Variants in POC5 observed in about 807,000 individuals in gnomAD.
POC5 encodes centrosomal protein POC5.
Under a neutral mutation model 62.9 loss-of-function variants are expected in POC5, and 48 were observed. The observed-to-expected ratio is 0.76, with a 90% CI of 0.61 to 0.97. The LOEUF (loss-of-function observed/expected upper bound fraction) is 0.97. Ranked by LOEUF, POC5 falls within the 50% of genes least tolerant of loss-of-function variation. The pLI, the probability that POC5 is intolerant of heterozygous loss-of-function variation, is 0.00. For missense variants in POC5, 696 were observed against 679.5 expected (o/e 1.02, Z -0.27); for synonymous variants, 236 against 228.2 (o/e 1.03, Z -0.31).
chr5:75,691,972 C>T (rs1027358843), intron 7 of POC5, among the ~76,000 whole-genome samples: 2 of 152,124 alleles, frequency 1.3e-5, no homozygotes, highest in African/African-American at 2.4e-5. Flanking sequence ...ACATAACAAA[C>T]ATTTATACTG....
rs770294088 is a variant in POC5, at chr5:75,677,867, A to C, written c.1491T>G (p.Ala497=). 1 of 1,611,908 alleles carries C rather than the reference A, an allele frequency of 6.2e-7. No individual in the cohort carries two copies. The highest frequency in any genetic ancestry group is 1.3e-5 in the African/African-American group (1 of 74,900). The change falls in exon 11 of 12, where the codon GCT becomes GCG. Residue 497 remains alanine, a synonymous_variant. Transcript: ENST00000428202. ...AACTGCTGCTAATTCTATTTTTTGAAGCAAAATCACATCTTCCTGTGATCC... is the reference window on the plus strand; with the variant it reads ...AACTGCTGCTAATTCTATTTTTTGACGCAAAATCACATCTTCCTGTGATCC... ...TARITGRCDF[A]SKNRISSSLA... is the part of the protein sequence containing the mutation.
At chr5:75,712,682 A>ATGTT (rs1424247700) in intron 2 of POC5, 172 bp downstream of exon 2, 7 of 728,046 alleles carry the variant, frequency 9.6e-6, no homozygotes, top group Non-Finnish European at 1.6e-5. Flanking sequence ...AGTTAAAACA[A>ATGTT]TGTAAAGTCA....
At chr5:75,688,504 A>T (rs189945563) in intron 9 of POC5, among the ~76,000 whole-genome samples, 100 of 152,156 alleles carry the variant, frequency 6.6e-4, no homozygotes, top group Non-Finnish European at 9.0e-4. Context: ...GTGGATTTTT[A>T]AAAAAAATAA....
chr5:75,694,759 C>T lies in POC5; in HGVS notation c.586G>A (p.Glu196Lys). The T allele has an allele frequency of 6.3e-7, 1 of 1,590,520 alleles. No homozygotes were observed. The highest frequency in any genetic ancestry group is 8.6e-7 in the Non-Finnish European group (1 of 1,160,200). ...IDWHRMEMRK[E>K]KEKHAAHLKQ... The stretch of plus-strand genomic sequence containing the variant: ...AAATGTGCTGCATGTTTTTCTTTCT[C>T]TTTTCTCATTTCCATTCGGTGCCAG... The change falls in exon 6 of 12, where the codon GAG (glutamate) becomes AAG (lysine). Residue 196 changes from glutamate to lysine, a missense_variant. Transcript: ENST00000428202.
At chr5:75,694,852 CAATT>C (rs1327725356) in intron 5 of POC5, 21 bp from the exon 6 acceptor site, 1 of 1,452,124 alleles carries the variant, frequency 6.9e-7, no homozygotes, top group African/African-American at 1.4e-5. Context: ...AATATAGTGA[CAATT>C]AAGTAGTTTG....
intron 5 of POC5, among the ~76,000 whole-genome samples, chr5:75,697,224 C>T (rs1294148267): frequency 2.6e-5 from 4 of 151,996 alleles, no homozygotes; most frequent in Admixed American, 6.6e-5. Context: ...AGATACTCCT[C>T]GAGAAGAGCA....
chr5:75,688,795 T>C (rs969647045), intron 9 of POC5, among the ~76,000 whole-genome samples: 3 of 152,230 alleles, frequency 2.0e-5, no homozygotes, highest in Admixed American at 2.0e-4. Context: ...GGAGTGACAG[T>C]GTACTTGATC....
At chr5:75,694,524 G>A in intron 6 of POC5, 131 bp downstream of exon 6, 1 of 702,222 alleles carries the variant, frequency 1.4e-6, no homozygotes. Flanking sequence ...TAAATCCAAT[G>A]GCTATGAATT....
intron 11 of POC5, among the ~76,000 whole-genome samples, chr5:75,675,173 C>T (rs545331859): frequency 2.6e-5 from 4 of 152,304 alleles, no homozygotes; most frequent in African/African-American, 4.8e-5. Context: ...TCATTAAAGT[C>T]AGGACACACG....
At chr5:75,703,884 G>A (rs1050198130) in intron 4 of POC5, among the ~76,000 whole-genome samples, 1 of 151,972 alleles carries the variant, frequency 6.6e-6, no homozygotes, top group African/African-American at 2.4e-5. Flanking sequence ...GGCTGGGCAC[G>A]GTGGCTCATG....
At chr5:75,696,845 C>CAGAGA (rs1353372134) in intron 5 of POC5, among the ~76,000 whole-genome samples, 1 of 151,370 alleles carries the variant, frequency 6.6e-6, no homozygotes, top group Non-Finnish European at 1.5e-5. Context: ...ATAACCAATA[C>CAGAGA]AGAGAAGTGC....
intron 2 of POC5, chr5:75,712,424 CT>C: frequency 6.2e-7 from 1 of 1,612,918 alleles, no homozygotes; most frequent in Non-Finnish European, 8.5e-7. Context: ...GCAGATTGTA[CT>C]GAATGTTGTG....
chr5:75,709,674 A>T (rs1777265082), intron 2 of POC5: 1 of 152,214 alleles, frequency 6.6e-6, no homozygotes, highest in African/African-American at 2.4e-5. Flanking sequence ...GGTTAAAAAA[A>T]ATACACTTCC....
chr5:75,701,465 C>CA (rs1200882856), intron 5 of POC5, among the ~76,000 whole-genome samples: 2 of 137,914 alleles, frequency 1.5e-5, no homozygotes, highest in Non-Finnish European at 3.2e-5. Context: ...TAAACTATCG[C>CA]AAGAACAAAA....
At position 75,685,389 on chromosome 5, in the gene POC5, G is replaced by A; in HGVS notation, c.1225C>T (p.Pro409Ser). 6.2e-7 allele frequency: 1 copy of A among 1,614,018 alleles called. No individual in the cohort carries two copies. Among genetic ancestry groups the A allele is most frequent in the Non-Finnish European group, 8.5e-7 (1 of 1,179,894 alleles). ...AHLDPSAPPM[P>S]LPVTSPLLPS... is the part of the protein sequence containing the mutation. ...AGCAGTGGTGATGTAACTGGTAAGG[G>A]CATCGGAGGAGCTGAAGGATCCAAA... The change falls in exon 10 of 12, where the codon CCC becomes TCC. Residue 409 changes from proline (P) to serine (S), a missense_variant. Physicochemically the swap from Pro to Ser is moderately conservative, Grantham distance 74. Transcript: ENST00000428202.
At chr5:75,685,589 AT>A in intron 9 of POC5, 105 bp from the exon 10 acceptor site, 1 of 1,162,226 alleles carries the variant, frequency 8.6e-7, no homozygotes, top group Non-Finnish European at 1.2e-6. Flanking sequence ...CCTAACAAAA[AT>A]TTAGATGTTT....
At chr5:75,710,077 C>G (rs1359511816) in intron 2 of POC5, among the ~76,000 whole-genome samples, 1 of 152,196 alleles carries the variant, frequency 6.6e-6, no homozygotes, top group African/African-American at 2.4e-5. Context: ...TGGTAGTACA[C>G]TGTCAGTGCA....
In POC5 at chr5:75,692,434, A is replaced by G. The variant is rs1212894280; in HGVS notation, c.757T>C (p.Phe253Leu). Residue 253 changes from phenylalanine to leucine, a missense_variant, in exon 7 of 12, where the codon TTC becomes CTC. Phe to Leu is a conservative substitution (Grantham distance 22). Transcript: ENST00000428202. ...KEKIELMRTF[F>L]HWRIGHVRAR... ...CTGACATGGCCGATTCGCCAGTGGA[A>G]GAATGTTCTCATCAACTCTATCTTT... 3.1e-6 allele frequency: 5 copies of G among 1,596,430 alleles called. No homozygotes were observed. Among genetic ancestry groups the G allele is most frequent in the Non-Finnish European group, 4.3e-6 (5 of 1,170,876 alleles).
At chr5:75,685,821 A>G (rs1268410988) in intron 9 of POC5, among the ~76,000 whole-genome samples, 1 of 152,194 alleles carries the variant, frequency 6.6e-6, no homozygotes, top group South Asian at 2.1e-4. Flanking sequence ...ATATGATCAC[A>G]GTGAGCCTGG....
Sources: allele counts gnomAD v4.1 joint callset (sites outside exome capture counted in the v4.1 genomes callset), GRCh38; gene constraint gnomAD v4.1.1; transcripts MANE v1.5; gene names NCBI Gene and HGNC (gene_info 2026-07-23, HGNC 2026-07-21).